The following UNC13C variants were observed in gnomAD, a reference collection of about 807,000 sequenced individuals.
UNC13C encodes the protein protein unc-13 homolog C.
UNC13C carries 174 observed loss-of-function variants against 245.4 expected under a neutral mutation model. The ratio of observed to expected loss-of-function variants is 0.71; its 90% CI spans 0.63 to 0.80. UNC13C has a LOEUF of 0.80. Ranked by LOEUF, UNC13C falls within the 30% of genes least tolerant of loss-of-function variation. The pLI is 0.00. For synonymous variants in UNC13C, 992 were observed against 895.1 expected, an observed-to-expected ratio of 1.11 and a Z score of -1.93; for missense variants, 2,829 against 2,602.9, an observed-to-expected ratio of 1.09 and a Z score of -1.89.
chr15:54,013,204 G>A lies in UNC13C; in HGVS notation c.301G>A (p.Gly101Ser). The A allele has an allele frequency of 3.7e-6, 6 of 1,613,716 alleles. No individual in the cohort carries two copies. The highest frequency in any genetic ancestry group is 5.1e-6 in the Non-Finnish European group (6 of 1,179,826). The stretch of plus-strand genomic sequence containing the variant: ...CAGTTACCGAGTAGCTATTGCCAAT[G>A]GCCTACAAAAGAATGCTAAAGTAAC... ...TFSYRVAIAN[G>S]LQKNAKVTNS... The change falls in exon 2 of 33, where the codon GGC becomes AGC. Residue 101 changes from glycine to serine, a missense_variant. Gly to Ser is a moderately conservative substitution (Grantham distance 56, BLOSUM62 0). Coordinates refer to ENST00000260323, the MANE Select transcript of UNC13C (RefSeq NM_001080534.3).
At chr15:53,890,273 C>G in the UNC13C span, among the ~76,000 whole-genome samples, 1 of 152,176 alleles carries the variant, frequency 6.6e-6, no homozygotes, top group Non-Finnish European at 1.5e-5. Flanking sequence ...TCCTGAGTAG[C>G]TGGGACTACA....
chr15:54,089,879 G>A (rs1190330688), intron 2 of UNC13C, among the ~76,000 whole-genome samples: 3 of 152,170 alleles, frequency 2.0e-5, no homozygotes, highest in Non-Finnish European at 2.9e-5. Flanking sequence ...TTCCCCTGCT[G>A]ACTTGTGGGA....
At chr15:54,242,958 G>A (rs10518761) in intron 7 of UNC13C, among the ~76,000 whole-genome samples, 77 of 152,016 alleles carry the variant, frequency 5.1e-4, no homozygotes, top group Non-Finnish European at 9.1e-4. Flanking sequence ...TATAAAATCC[G>A]AAACATTCTT....
At chr15:53,872,609 T>G in the UNC13C span, among the ~76,000 whole-genome samples, 2 of 152,144 alleles carry the variant, frequency 1.3e-5, no homozygotes, top group South Asian at 4.1e-4. Context: ...GACAACTTCC[T>G]CTCCAGTCTC....
At chr15:54,631,141 T>C (rs556142345), downstream of UNC13C, 103 of 152,200 alleles carry the variant, frequency 6.8e-4, no homozygotes, top group African/African-American at 2.4e-3. Flanking sequence ...AGCTTAGAAG[T>C]TCGAGACCAG....
chr15:54,127,155 C>T (rs1350286591), intron 2 of UNC13C, among the ~76,000 whole-genome samples: 2 of 152,160 alleles, frequency 1.3e-5, no homozygotes, highest in Non-Finnish European at 2.9e-5. Context: ...GGCGATTCCT[C>T]AGTGATCTAG....
At chr15:54,080,656 G>A (rs913047583) in intron 2 of UNC13C, among the ~76,000 whole-genome samples, 1 of 151,890 alleles carries the variant, frequency 6.6e-6, no homozygotes, top group Non-Finnish European at 1.5e-5. Context: ...TTGTGGTGTC[G>A]GGTGTGATGA....
rs1897012 is a variant in UNC13C at position 54,097,100 on chromosome 15, G to A, written c.2984-45918G>A. Among the ~76,000 whole-genome samples, 787 of 152,224 alleles carry A rather than the reference G, an allele frequency of 5.2e-3. 11 individuals are homozygous for A. Among genetic ancestry groups the A allele is most frequent in the African/African-American group, 0.018 (753 of 41,554 alleles). ...CAAATGCCTCAAATAAAGACAATTTGATCATACCTATTTAGTGTTCTCATA... is the reference window on the plus strand; with the variant it reads ...CAAATGCCTCAAATAAAGACAATTTAATCATACCTATTTAGTGTTCTCATA... On this transcript the variant is annotated intron_variant, in intron 2 of 32. Coordinates refer to ENST00000260323, the MANE Select transcript of UNC13C (RefSeq NM_001080534.3).
intron 2 of UNC13C, among the ~76,000 whole-genome samples, chr15:54,032,066 T>C (rs1385011848): frequency 6.6e-6 from 1 of 152,236 alleles, no homozygotes; most frequent in Non-Finnish European, 1.5e-5. Context: ...TGAGTCTACA[T>C]GTCTTAAAGA....
chr15:54,026,351 C>T (rs1896108141), intron 2 of UNC13C, among the ~76,000 whole-genome samples: 1 of 152,206 alleles, frequency 6.6e-6, no homozygotes, highest in African/African-American at 2.4e-5. Flanking sequence ...CCCAGGATTT[C>T]TGAATCCTCC....
intron 17 of UNC13C, among the ~76,000 whole-genome samples, chr15:54,350,041 G>A (rs1045103483): frequency 3.3e-5 from 5 of 151,798 alleles, no homozygotes; most frequent in African/African-American, 1.2e-4. Flanking sequence ...AGGCTGGAGT[G>A]AGTGCAGTGG....
At chr15:54,277,230 G>C (rs553154245) in intron 10 of UNC13C, among the ~76,000 whole-genome samples, 2 of 152,204 alleles carry the variant, frequency 1.3e-5, no homozygotes, top group East Asian at 3.9e-4. Context: ...TTATATGTTT[G>C]TTATTTTCTT....
intron 30 of UNC13C, among the ~76,000 whole-genome samples, chr15:54,603,355 CA>C (rs1156585152): frequency 6.6e-6 from 1 of 152,180 alleles, no homozygotes; most frequent in Admixed American, 6.5e-5. Flanking sequence ...ACACTTGACA[CA>C]AATCACTTTA....
intron 19 of UNC13C, among the ~76,000 whole-genome samples, chr15:54,459,259 A>C (rs571941087): frequency 1.1e-4 from 17 of 152,302 alleles, no homozygotes; most frequent in Admixed American, 9.2e-4. Context: ...TGAGAAATAT[A>C]CCGTTAATCT....
chr15:54,538,432 C>G (rs541236626), intron 26 of UNC13C, among the ~76,000 whole-genome samples: 1 of 151,966 alleles, frequency 6.6e-6, no homozygotes, highest in Non-Finnish European at 1.5e-5. Context: ...TGGAAAACAG[C>G]TTGGAGAGTT....
intron 25 of UNC13C, among the ~76,000 whole-genome samples, chr15:54,526,015 C>A (rs1157247998): frequency 6.6e-6 from 1 of 152,114 alleles, no homozygotes; most frequent in African/African-American, 2.4e-5. Context: ...AGAAAAACTT[C>A]ACATATATAA....
the UNC13C span, among the ~76,000 whole-genome samples, chr15:53,968,588 C>G: frequency 1.3e-5 from 2 of 152,072 alleles, no homozygotes; most frequent in Admixed American, 1.3e-4. Flanking sequence ...CTGGTATTTC[C>G]TCAGCCAGGA....
chr15:53,952,024 G>A, the UNC13C span, among the ~76,000 whole-genome samples: 1 of 152,138 alleles, frequency 6.6e-6, no homozygotes, highest in African/African-American at 2.4e-5. Context: ...ATCCTATACT[G>A]CGTTGGTTTA....
At chr15:54,226,742 T>C (rs1471768656) in intron 4 of UNC13C, among the ~76,000 whole-genome samples, 1 of 152,164 alleles carries the variant, frequency 6.6e-6, no homozygotes, top group East Asian at 1.9e-4. Context: ...AGCACACATG[T>C]TGGCTCTGTG....
Sources: allele counts gnomAD v4.1 joint callset (sites outside exome capture counted in the v4.1 genomes callset), GRCh38; gene constraint gnomAD v4.1.1; transcripts MANE v1.5; gene names NCBI Gene and HGNC (gene_info 2026-07-23, HGNC 2026-07-21).